Variants in PPIP5K2 observed in about 807,000 individuals in gnomAD.
The protein encoded by PPIP5K2 is diphosphoinositol pentakisphosphate kinase 2.
A neutral mutation model predicts 154.6 loss-of-function variants in PPIP5K2; 105 were observed. The ratio of observed to expected loss-of-function variants is 0.68; its 90% CI spans 0.58 to 0.80. The LOEUF (loss-of-function observed/expected upper bound fraction) is 0.80. Ranked by LOEUF, PPIP5K2 falls within the 30% of genes least tolerant of loss-of-function variation. The probability of loss-of-function intolerance (pLI) is 0.00; values close to 1 mark genes in which losing one functional copy is unlikely to be tolerated. For synonymous variants in PPIP5K2, 480 were observed against 490.3 expected, an observed-to-expected ratio of 0.98 and a Z score of 0.28; for missense variants, 992 against 1,504.6, an observed-to-expected ratio of 0.66 and a Z score of 5.64.
chr5:103,189,080 C>G, intron 28 of PPIP5K2: 1 of 977,484 alleles, frequency 1.0e-6, no homozygotes, highest in Non-Finnish European at 1.5e-6. Flanking sequence ...CATGGACTTA[C>G]CCCTCCCTTC....
intron 8 of PPIP5K2, 47 bp downstream of exon 8, chr5:103,149,360 AT>A (rs1794241560): frequency 7.2e-6 from 11 of 1,521,380 alleles, no homozygotes; most frequent in Non-Finnish European, 9.7e-6. Context: ...GTAAATTCTA[AT>A]TTTCTTTTTT....
intron 8 of PPIP5K2, among the ~76,000 whole-genome samples, chr5:103,150,914 T>C (rs1247534863): frequency 4.1e-5 from 6 of 147,070 alleles, no homozygotes; most frequent in African/African-American, 1.2e-4. Flanking sequence ...TTTTATCAGA[T>C]CCTTTAAAAA....
intron 7 of PPIP5K2, among the ~76,000 whole-genome samples, 199 bp from the exon 8 acceptor site, chr5:103,148,953 A>C (rs1554210267): frequency 6.6e-6 from 1 of 152,152 alleles, no homozygotes; most frequent in Admixed American, 6.5e-5. Context: ...TCACTTTACC[A>C]ATTTTGCTAT....
At chr5:103,164,208 G>T (rs1404568019) in intron 17 of PPIP5K2, among the ~76,000 whole-genome samples, 3 of 151,760 alleles carry the variant, frequency 2.0e-5, no homozygotes, top group African/African-American at 7.2e-5. Flanking sequence ...AGGATCTATA[G>T]AGATTTCCCT....
Position 103,195,143 on chromosome 5 carries a change from T to C in PPIP5K2, c.3619+118T>C, listed in dbSNP as rs551426275. 117 of 1,299,356 alleles carry C rather than the reference T, an allele frequency of 9.0e-5. No homozygotes were observed. In the South Asian group the frequency reaches 1.7e-3, roughly 19 times the overall value. The allele number at this position is 1,299,356 out of a possible 1,614,324, so 80.5% of individuals were successfully genotyped here. On this transcript the variant is annotated intron_variant, in intron 30 of 30. Transcript: ENST00000358359. ...ATCTTTGCACTTCCCTAGAGCGTAA[T>C]GATCCTAAGGGTTAAAAATCGATTA... is the stretch of plus-strand genomic sequence containing the variant.
intron 21 of PPIP5K2, among the ~76,000 whole-genome samples, chr5:103,174,687 C>T (rs1388880281): frequency 6.6e-6 from 1 of 152,020 alleles, no homozygotes; most frequent in East Asian, 1.9e-4. Flanking sequence ...GACCTAACTT[C>T]TAAAATCATG....
intron 30 of PPIP5K2, among the ~76,000 whole-genome samples, chr5:103,197,831 A>T (rs1580491982): frequency 6.6e-6 from 1 of 150,774 alleles, no homozygotes; most frequent in Non-Finnish European, 1.5e-5. Flanking sequence ...GCCTGCCTCA[A>T]CCTCCCAAAG....
chr5:103,129,385 A>G lies in PPIP5K2; in HGVS notation c.-205A>G, dbSNP rs569016132. 4 of 339,666 alleles carry G rather than the reference A, an allele frequency of 1.2e-5. No homozygotes were observed. In the South Asian group the frequency reaches 3.6e-4, roughly 30 times the overall value. The allele number at this position is 339,666 out of a possible 1,614,324, so 21.0% of individuals were successfully genotyped here. A position where few individuals can be genotyped will look rare whatever the true frequency, so the allele number is the denominator to read the frequency against. Reference sequence around the variant, plus strand: ...TTTGAATTGCAACAACAACTTTGATATCAACAATGAAGCAATGATATCTAA... The same window carrying G: ...TTTGAATTGCAACAACAACTTTGATGTCAACAATGAAGCAATGATATCTAA... On this transcript the variant is annotated 5_prime_UTR_variant, in exon 2 of 31. In the 5' UTR this introduces an upstream ATG that the reference lacks. Coordinates refer to ENST00000358359, the MANE Select transcript of PPIP5K2 (RefSeq NM_001276277.3).
In PPIP5K2 at chr5:103,166,405, C is replaced by T. The variant is rs76047710; in HGVS notation, c.1921-774C>T. 9.9e-4 allele frequency among the ~76,000 whole-genome samples: 151 copies of T among 152,036 alleles called. 1 individual carries two copies. In the East Asian group the frequency reaches 0.022, roughly 23 times the overall value. The stretch of plus-strand genomic sequence containing the variant: ...GGAGATCATTAGGAATCTACCTTGT[C>T]GTCCTGATGTGGCTCCTTCTGACTT... On this transcript the variant is annotated intron_variant, in intron 17 of 30. Coordinates refer to ENST00000358359, the MANE Select transcript of PPIP5K2 (RefSeq NM_001276277.3).
chr5:103,206,401 A>T lies in PPIP5K2; in HGVS notation c.*4767A>T, dbSNP rs1341998232. ...AATCCTGGAATATTAATATTAAGCC[A>T]TCTACTTCAGTGTGATTGAGCCAAC... On this transcript the variant is annotated 3_prime_UTR_variant, in exon 31 of 31. Coordinates refer to ENST00000358359, the MANE Select transcript of PPIP5K2 (RefSeq NM_001276277.3). 1 of 152,324 alleles carries T rather than the reference A, an allele frequency of 6.6e-6. No individual in the cohort carries two copies. Among genetic ancestry groups the T allele is most frequent in the South Asian group, 2.1e-4 (1 of 4,828 alleles). 9.4% of individuals were successfully genotyped at this position (152,324 alleles called of 1,614,324 possible). A position where few individuals can be genotyped will look rare whatever the true frequency, so the allele number is the denominator to read the frequency against.
At chr5:103,188,995 T>A in intron 28 of PPIP5K2, 1 of 512,298 alleles carries the variant, frequency 2.0e-6, no homozygotes, top group Non-Finnish European at 3.4e-6. Flanking sequence ...ATCTGTCCTA[T>A]GAATTGTCAT....
chr5:103,176,567 A>G (rs1244954197), intron 21 of PPIP5K2, among the ~76,000 whole-genome samples: 1 of 151,976 alleles, frequency 6.6e-6, no homozygotes, highest in Non-Finnish European at 1.5e-5. Flanking sequence ...GTGGTCTTAT[A>G]ATTTGCTTTT....
At chr5:103,128,673 C>A (rs1320501607) in intron 1 of PPIP5K2, among the ~76,000 whole-genome samples, 1 of 151,406 alleles carries the variant, frequency 6.6e-6, no homozygotes, top group Admixed American at 6.6e-5. Flanking sequence ...TGCACATGTA[C>A]TTTTTTTTTC....
Position 103,173,345 on chromosome 5 carries a change from A to G in PPIP5K2, c.2414+63A>G, listed in dbSNP as rs1277487987. The G allele has an allele frequency of 3.8e-5, 58 of 1,535,390 alleles. No individual in the cohort carries two copies. The Admixed American group carries it at 1.1e-3, about 29-fold the overall frequency. ...CTATTTTTGCATACTTCAAATTTAA[A>G]TTATACTTTGATGGTCCTATGAAGT... On this transcript the variant is annotated intron_variant, in intron 20 of 30. Coordinates refer to ENST00000358359, the MANE Select transcript of PPIP5K2 (RefSeq NM_001276277.3).
chr5:103,173,433 A>C lies in PPIP5K2; in HGVS notation c.2414+151A>C, dbSNP rs1030237277. On this transcript the variant is annotated intron_variant, in intron 20 of 30. Coordinates refer to ENST00000358359, the MANE Select transcript of PPIP5K2 (RefSeq NM_001276277.3). The stretch of plus-strand genomic sequence containing the variant: ...ACCTAGGTATTTCTATTAAGTTCCA[A>C]CCAAAGTTATTTTTGGCTCCACTTT... 11 of 1,014,582 alleles carry C rather than the reference A, an allele frequency of 1.1e-5. No homozygotes were observed. The African/African-American group carries it at 1.2e-4, about 11-fold the overall frequency. 62.8% of individuals were successfully genotyped at this position (1,014,582 alleles called of 1,614,324 possible).
At position 103,206,337 on chromosome 5, in the gene PPIP5K2, C is replaced by G. The variant is rs1554232219; in HGVS notation, c.*4703C>G. On this transcript the variant is annotated 3_prime_UTR_variant, in exon 31 of 31. Transcript: ENST00000358359. ...GTGAGGACTACATATTTTTTTTGTTCATGTCCAACACAATAAAAATTGAGG... is the reference window on the plus strand; with the variant it reads ...GTGAGGACTACATATTTTTTTTGTTGATGTCCAACACAATAAAAATTGAGG... 6.6e-6 allele frequency: 1 copy of G among 151,864 alleles called. No homozygotes were observed. The highest frequency in any genetic ancestry group is 2.4e-5 in the African/African-American group (1 of 41,346). The allele number at this position is 151,864 out of a possible 1,614,324, so 9.4% of individuals were successfully genotyped here.
intron 29 of PPIP5K2, among the ~76,000 whole-genome samples, chr5:103,194,269 G>T (rs1490514691): frequency 2.0e-5 from 3 of 151,732 alleles, no homozygotes; most frequent in African/African-American, 7.3e-5. Flanking sequence ...CCAGGCTCAA[G>T]CAGTCCTTCT....
chr5:103,207,109 A>T lies in PPIP5K2; in HGVS notation c.*5475A>T, dbSNP rs1803559754. ...CAGCCCAGGGGGTCCTGAGCACCAG[A>T]TACAACTCCCTCCAGAGACTGGCTG... On this transcript the variant is annotated 3_prime_UTR_variant, in exon 31 of 31. Coordinates refer to ENST00000358359, the MANE Select transcript of PPIP5K2 (RefSeq NM_001276277.3). 1 of 152,248 alleles carries T rather than the reference A, an allele frequency of 6.6e-6. No homozygotes were observed. The highest frequency in any genetic ancestry group is 2.1e-4 in the South Asian group (1 of 4,822). The allele number at this position is 152,248 out of a possible 1,614,324, so 9.4% of individuals were successfully genotyped here. A position where few individuals can be genotyped will look rare whatever the true frequency, so the allele number is the denominator to read the frequency against.
At chr5:103,198,043 C>T (rs1802387147) in intron 30 of PPIP5K2, among the ~76,000 whole-genome samples, 2 of 152,004 alleles carry the variant, frequency 1.3e-5, no homozygotes, top group Non-Finnish European at 1.5e-5. Context: ...AAGTTTCCCT[C>T]TAAGCATTTT....
Sources: gnomAD v4.1 joint callset for allele counts (sites outside exome capture counted in the v4.1 genomes callset) on GRCh38, gnomAD v4.1.1 for gene constraint, MANE v1.5 for transcripts, NCBI Gene and HGNC (gene_info 2026-07-23, HGNC 2026-07-21) for gene names.